ANO3: variants seen among roughly 807,000 people sequenced by gnomAD.
ANO3 encodes the protein anoctamin 3, also known as anoctamin-3.
Under a neutral mutation model 144.8 loss-of-function variants are expected in ANO3, and 99 were observed. The ratio of observed to expected loss-of-function variants is 0.68; its 90% CI spans 0.58 to 0.81. The LOEUF (loss-of-function observed/expected upper bound fraction) is 0.81, where lower values mean the gene tolerates loss of function less well. Among genes scored for constraint, ANO3 ranks in the 30% least tolerant of loss-of-function variants. ANO3 has a pLI of 0.00. For synonymous variants in ANO3, 414 were observed against 392.6 expected, an observed-to-expected ratio of 1.05 and a Z score of -0.64; for missense variants, 905 against 1,202.2, an observed-to-expected ratio of 0.75 and a Z score of 3.66.
intron 1 of ANO3, among the ~76,000 whole-genome samples, chr11:26,216,490 G>A (rs183814567): frequency 1.3e-5 from 2 of 151,972 alleles, no homozygotes; most frequent in East Asian, 3.9e-4. Flanking sequence ...TCCATTGTAT[G>A]ACAGTATCAC....
chr11:26,478,664 G>A (rs945906035), intron 4 of ANO3, among the ~76,000 whole-genome samples: 1 of 152,000 alleles, frequency 6.6e-6, no homozygotes. Flanking sequence ...AAGTCATCAG[G>A]CTCGGGTTGT....
At chr11:26,285,871 G>A (rs923512197) in intron 1 of ANO3, 1 of 152,150 alleles carries the variant, frequency 6.6e-6, no homozygotes, top group Non-Finnish European at 1.5e-5. Flanking sequence ...GAATGATAAA[G>A]GCATCCCTCA....
intron 1 of ANO3, among the ~76,000 whole-genome samples, chr11:26,198,925 A>C (rs1283161132): frequency 6.6e-6 from 1 of 152,156 alleles, no homozygotes; most frequent in Non-Finnish European, 1.5e-5. Context: ...TGTGATAATG[A>C]ATTTCCAGTT....
rs555806210 is a variant in ANO3, at chr11:26,455,994, A to T, written c.314-7036A>T. On this transcript the variant is annotated intron_variant, in intron 3 of 26. Coordinates refer to ENST00000256737, the MANE Select transcript of ANO3 (RefSeq NM_031418.4). Reference sequence around the variant, plus strand: ...GGGGAAAGGATTCCCTATTTAATAAATGGTGCTGGGAAAACTGGCTAGCCA... The same window carrying T: ...GGGGAAAGGATTCCCTATTTAATAATTGGTGCTGGGAAAACTGGCTAGCCA... Among the ~76,000 whole-genome samples, 68 of 151,684 alleles carry T rather than the reference A, an allele frequency of 4.5e-4. No homozygotes were observed. The East Asian group carries it at 6.2e-3, about 14-fold the overall frequency.
chr11:26,443,159 A>G (rs1437509039), intron 2 of ANO3, among the ~76,000 whole-genome samples: 1 of 152,200 alleles, frequency 6.6e-6, no homozygotes, highest in East Asian at 1.9e-4. Flanking sequence ...ATAACTAAAA[A>G]ATATCAAAAT....
chr11:26,232,454 C>T (rs1852422188), intron 1 of ANO3, among the ~76,000 whole-genome samples: 1 of 152,064 alleles, frequency 6.6e-6, no homozygotes. Flanking sequence ...ATGCATAGCC[C>T]TGAACTTCCT....
intron 1 of ANO3, among the ~76,000 whole-genome samples, chr11:26,345,311 T>C (rs1438320401): frequency 6.6e-6 from 1 of 152,146 alleles, no homozygotes; most frequent in African/African-American, 2.4e-5. Flanking sequence ...TCCCAGCACT[T>C]TGAGAGGCTG....
At chr11:26,579,349 TGG>T (rs2132852897) in intron 14 of ANO3, among the ~76,000 whole-genome samples, 1 of 152,282 alleles carries the variant, frequency 6.6e-6, no homozygotes, top group Admixed American at 6.5e-5. Context: ...GTGAGATGCC[TGG>T]GAAGGTGTGT....
chr11:26,468,528 A>G (rs1859677567), intron 4 of ANO3, among the ~76,000 whole-genome samples: 1 of 151,966 alleles, frequency 6.6e-6, no homozygotes, highest in Non-Finnish European at 1.5e-5. Context: ...CTCAATGAGT[A>G]TTAGAAATAA....
intron 1 of ANO3, among the ~76,000 whole-genome samples, chr11:26,344,484 G>C (rs1436559560): frequency 6.6e-6 from 1 of 150,906 alleles, no homozygotes; most frequent in Non-Finnish European, 1.5e-5. Flanking sequence ...TCCTGCCTCA[G>C]CCTCCCGAGT....
chr11:26,268,737 G>A (rs1853371250), intron 1 of ANO3, among the ~76,000 whole-genome samples: 2 of 152,278 alleles, frequency 1.3e-5, no homozygotes, highest in African/African-American at 2.4e-5. Context: ...CACAGCTGCT[G>A]AGCTGCATTC....
chr11:26,441,991 C>T lies in ANO3; in HGVS notation c.120C>T (p.Leu40=), dbSNP rs1292125017. The change falls in exon 2 of 27, where the codon CTC becomes CTT. Residue 40 remains leucine, a synonymous_variant. Coordinates refer to ENST00000256737, the MANE Select transcript of ANO3 (RefSeq NM_031418.4). ...CGTCTCGGAGATCCCTGCCTTGCCT[C>T]GCCCAGAGCTACGCTTACTCAAAGA... The part of the protein sequence containing the change: ...LKPSRRSLPC[L]AQSYAYSKSL... 6.8e-6 allele frequency: 11 copies of T among 1,614,016 alleles called. No homozygotes were observed. Among genetic ancestry groups the T allele is most frequent in the African/African-American group, 5.3e-5 (4 of 74,916 alleles).
intron 1 of ANO3, among the ~76,000 whole-genome samples, chr11:26,202,306 T>C (rs963757249): frequency 4.1e-5 from 6 of 144,666 alleles, no homozygotes; most frequent in South Asian, 2.1e-4. Context: ...ATACATATTA[T>C]ATATATCATA....
intron 17 of ANO3, among the ~76,000 whole-genome samples, chr11:26,620,422 AT>A (rs35381089): frequency 6.6e-6 from 1 of 151,520 alleles, no homozygotes; most frequent in African/African-American, 2.4e-5. Context: ...GCATGGTGAA[AT>A]TTTAATCAAA....
Position 26,353,448 on chromosome 11 carries a change from G to T in ANO3, c.46+21127G>T, listed in dbSNP as rs528481703. 5.3e-5 allele frequency among the ~76,000 whole-genome samples: 8 copies of T among 152,204 alleles called. No individual in the cohort carries two copies. In the South Asian group the frequency reaches 1.5e-3, roughly 28 times the overall value. ...CTGCCTGGAGTTTTTATTCTCCTGT[G>T]ACCACACTGTATTATTTCTGTCTTA... On this transcript the variant is annotated intron_variant, in intron 1 of 26. Coordinates refer to ENST00000256737, the MANE Select transcript of ANO3 (RefSeq NM_031418.4).
intron 1 of ANO3, among the ~76,000 whole-genome samples, chr11:26,361,122 C>T (rs1326249467): frequency 2.0e-5 from 3 of 152,106 alleles, no homozygotes; most frequent in Admixed American, 1.3e-4. Context: ...TTAACTATAT[C>T]GGAGGTTAGT....
chr11:26,244,612 A>C (rs954629695), intron 1 of ANO3, among the ~76,000 whole-genome samples: 8 of 152,180 alleles, frequency 5.3e-5, no homozygotes, highest in African/African-American at 1.9e-4. Context: ...TATCAAAAAT[A>C]GGTGAGCAAA....
At chr11:26,330,816 A>G (rs1280712744), upstream of ANO3, among the ~76,000 whole-genome samples, 1 of 152,240 alleles carries the variant, frequency 6.6e-6, no homozygotes, top group African/African-American at 2.4e-5. Context: ...ACAGCATACA[A>G]TAATAACTCA....
At chr11:26,205,705 C>G (rs1590192392) in intron 1 of ANO3, among the ~76,000 whole-genome samples, 1 of 152,132 alleles carries the variant, frequency 6.6e-6, no homozygotes, top group East Asian at 1.9e-4. Flanking sequence ...AAGACCCAAT[C>G]ATCCTCATAA....
Sources: allele counts gnomAD v4.1 joint callset (sites outside exome capture counted in the v4.1 genomes callset), GRCh38; gene constraint gnomAD v4.1.1; transcripts MANE v1.5; gene names NCBI Gene and HGNC (gene_info 2026-07-23, HGNC 2026-07-21).